Variants in ARSB observed in about 807,000 individuals in gnomAD.
ARSB encodes arylsulfatase B.
In ARSB, 41 loss-of-function variants were observed where a neutral mutation model predicts 50.9. That is an observed-to-expected ratio of 0.81 (90% CI 0.63 to 1.04). The LOEUF (loss-of-function observed/expected upper bound fraction) is 1.04, where lower values mean the gene tolerates loss of function less well. Ranked by LOEUF, ARSB falls within the 50% of genes least tolerant of loss-of-function variation. ARSB has a pLI of 0.00. For missense variants in ARSB, 672 were observed against 693.3 expected, an observed-to-expected ratio of 0.97 and a Z score of 0.35; for synonymous variants, 269 against 284.8, an observed-to-expected ratio of 0.94 and a Z score of 0.56.
At chr5:78,858,298 T>G (rs1416699839) in intron 5 of ARSB, among the ~76,000 whole-genome samples, 1 of 152,230 alleles carries the variant, frequency 6.6e-6, no homozygotes, top group Non-Finnish European at 1.5e-5. Context: ...TATAAAGTAG[T>G]ATATCATTGT....
rs144906965 is a variant in ARSB, at chr5:78,963,703, G to C, written c.690+713C>G. ...TGTGTTACACAAAAGCATCAGTATA[G>C]TAAATGTGAAAAATAAGCTCATTGG... is the stretch of plus-strand genomic sequence containing the variant. On this transcript the variant is annotated intron_variant, in intron 3 of 7. Coordinates refer to ENST00000264914, the MANE Select transcript of ARSB (RefSeq NM_000046.5). 9.2e-5 allele frequency among the ~76,000 whole-genome samples: 14 copies of C among 152,256 alleles called. No individual in the cohort carries two copies. The East Asian group carries it at 2.3e-3, about 25-fold the overall frequency.
chr5:78,790,897 G>A (rs2112631253), intron 6 of ARSB, among the ~76,000 whole-genome samples: 1 of 152,310 alleles, frequency 6.6e-6, no homozygotes, highest in South Asian at 2.1e-4. Context: ...CCCCATTTAT[G>A]TTCCAGAATT....
intron 6 of ARSB, among the ~76,000 whole-genome samples, chr5:78,827,862 AT>A (rs750342005): frequency 0.016 from 2,265 of 144,090 alleles, 19 homozygotes; most frequent in Middle Eastern, 0.039. Flanking sequence ...ACAATTTCTG[AT>A]TTTTTTTTTT....
intron 5 of ARSB, chr5:78,882,773 T>G (rs1747813394): frequency 1.6e-5 from 2 of 126,904 alleles, no homozygotes; most frequent in Admixed American, 1.0e-4. Context: ...AAGATTTGAG[T>G]GATTTTTTTT....
chr5:78,906,169 T>TA (rs57964996), intron 4 of ARSB, among the ~76,000 whole-genome samples: 218 of 143,874 alleles, frequency 1.5e-3, no homozygotes, highest in African/African-American at 4.2e-3. Flanking sequence ...CATAAAAAAT[T>TA]AAAAAAAAAA....
chr5:78,868,633 G>A (rs1314791298), intron 5 of ARSB, among the ~76,000 whole-genome samples: 7 of 147,320 alleles, frequency 4.8e-5, no homozygotes, highest in African/African-American at 1.5e-4. Flanking sequence ...GTCACCACCA[G>A]GCCTGCCCTA....
At chr5:78,952,988 T>C (rs969826711) in intron 4 of ARSB, among the ~76,000 whole-genome samples, 1 of 152,218 alleles carries the variant, frequency 6.6e-6, no homozygotes, top group Non-Finnish European at 1.5e-5. Flanking sequence ...ATCAAAATGC[T>C]ATGCCAGGAT....
intron 5 of ARSB, among the ~76,000 whole-genome samples, chr5:78,857,985 T>C (rs1056402048): frequency 2.0e-5 from 3 of 152,196 alleles, no homozygotes; most frequent in Non-Finnish European, 4.4e-5. Flanking sequence ...CCTTCAACAC[T>C]GTGAGGTAGA....
chr5:78,961,486 G>A lies in ARSB; in HGVS notation c.690+2930C>T, dbSNP rs189273219. On this transcript the variant is annotated intron_variant, in intron 3 of 7. Transcript: ENST00000264914. ...TTCCAAACAGTTACCTACGAACAGC[G>A]GCTATGGTAATAACACTCCTTCCAT... 4.9e-3 allele frequency among the ~76,000 whole-genome samples: 746 copies of A among 152,206 alleles called. 3 individuals are homozygous for A. The highest frequency in any genetic ancestry group is 7.5e-3 in the Admixed American group (114 of 15,292).
chr5:78,795,910 G>C (rs1743164345), intron 6 of ARSB, among the ~76,000 whole-genome samples: 1 of 152,186 alleles, frequency 6.6e-6, no homozygotes, highest in Admixed American at 6.5e-5. Context: ...AAAGAGCTTT[G>C]ATGTGGCTTA....
chr5:78,939,276 G>C (rs548625858), intron 4 of ARSB, among the ~76,000 whole-genome samples: 1 of 110,950 alleles, frequency 9.0e-6, no homozygotes, highest in South Asian at 2.9e-4. Context: ...GCTCTCCTAT[G>C]TATTTCTTTT....
intron 5 of ARSB, among the ~76,000 whole-genome samples, chr5:78,869,838 A>G (rs1747030176): frequency 1.4e-5 from 2 of 148,120 alleles, no homozygotes; most frequent in South Asian, 2.2e-4. Flanking sequence ...GGAAATAGAG[A>G]CACAAAAAAC....
At chr5:78,833,500 C>G (rs1244854833) in intron 6 of ARSB, among the ~76,000 whole-genome samples, 1 of 152,168 alleles carries the variant, frequency 6.6e-6, no homozygotes, top group Non-Finnish European at 1.5e-5. Context: ...CTCCTCAAAG[C>G]ACACAGGAAA....
At chr5:78,980,744 G>GTGTGTGTGTA (rs370986799) in intron 1 of ARSB, among the ~76,000 whole-genome samples, 4,126 of 151,446 alleles carry the variant, frequency 0.027, 77 homozygotes, top group South Asian at 0.073. Flanking sequence ...ATGTGTGTGT[G>GTGTGTGTGTA]TGTGTGTGTG....
At chr5:78,787,808 A>G (rs1352958550) in intron 6 of ARSB, among the ~76,000 whole-genome samples, 1 of 152,156 alleles carries the variant, frequency 6.6e-6, no homozygotes, top group Non-Finnish European at 1.5e-5. Flanking sequence ...CGGCTCCACA[A>G]CATATTGGAG....
intron 4 of ARSB, among the ~76,000 whole-genome samples, chr5:78,918,769 TAATTAGCAAGAA>T (rs1749675263): frequency 6.6e-6 from 1 of 152,244 alleles, no homozygotes; most frequent in Admixed American, 6.5e-5. Context: ...AATAATTAGC[TAATTAGCAAGAA>T]CATTTTTTTC....
At chr5:78,971,234 C>T (rs576574332) in intron 1 of ARSB, among the ~76,000 whole-genome samples, 101 of 152,298 alleles carry the variant, frequency 6.6e-4, no homozygotes, top group African/African-American at 2.2e-3. Flanking sequence ...TCCTTGTCTA[C>T]CCAGTCCCAC....
At chr5:78,898,993 G>A (rs1561489734) in intron 4 of ARSB, among the ~76,000 whole-genome samples, 1 of 152,204 alleles carries the variant, frequency 6.6e-6, no homozygotes, top group Non-Finnish European at 1.5e-5. Context: ...GATGGATCTA[G>A]TGGTGGTGAA....
Position 78,840,747 on chromosome 5 carries a change from C to T in ARSB, c.1143-1321G>A, listed in dbSNP as rs185128706. Among the ~76,000 whole-genome samples, 203 of 144,198 alleles carry T rather than the reference C, an allele frequency of 1.4e-3. 1 individual carries two copies. The highest frequency in any genetic ancestry group is 5.0e-3 in the African/African-American group (194 of 38,884). 94.6% of individuals were successfully genotyped at this position (144,198 alleles called of 152,430 possible). On this transcript the variant is annotated intron_variant, in intron 5 of 7. Coordinates refer to ENST00000264914, the MANE Select transcript of ARSB (RefSeq NM_000046.5). ...GAAGAGAAACATTCAGGGGTGCCCACGGTCCTGGGACAGCAGCGGCAGCAC... is the reference window on the plus strand; with the variant it reads ...GAAGAGAAACATTCAGGGGTGCCCATGGTCCTGGGACAGCAGCGGCAGCAC...
Sources: gnomAD v4.1 joint callset for allele counts (sites outside exome capture counted in the v4.1 genomes callset) on GRCh38, gnomAD v4.1.1 for gene constraint, MANE v1.5 for transcripts, NCBI Gene and HGNC (gene_info 2026-07-23, HGNC 2026-07-21) for gene names.